Variants in RUNX1 observed in about 807,000 individuals in gnomAD.
The protein encoded by RUNX1 is RUNX family transcription factor 1, also known as runt-related transcription factor 1.
RUNX1 carries 19 observed loss-of-function variants against 42.8 expected under a neutral mutation model. The ratio of observed to expected loss-of-function variants is 0.44; its 90% CI spans 0.31 to 0.65. The LOEUF (loss-of-function observed/expected upper bound fraction) is 0.65, where lower values mean the gene tolerates loss of function less well. Among genes scored for constraint, RUNX1 ranks in the 30% least tolerant of loss-of-function variants. RUNX1 has a pLI of 0.07. For missense variants in RUNX1, 528 were observed against 672.0 expected (o/e 0.79, Z 2.37); for synonymous variants, 271 against 289.4 (o/e 0.94, Z 0.64).
chr21:34,926,517 TCAGCA>T (rs2058395937), intron 2 of RUNX1, among the ~76,000 whole-genome samples: 2 of 43,456 alleles, frequency 4.6e-5, no homozygotes, highest in African/African-American at 5.8e-5. Context: ...ACTAAATCTG[TCAGCA>T]TTTTGATCTA....
intron 5 of RUNX1, among the ~76,000 whole-genome samples, chr21:34,879,386 G>A (rs2057862756): frequency 6.6e-6 from 1 of 152,138 alleles, no homozygotes; most frequent in Admixed American, 6.5e-5. Context: ...ATTCTATTAT[G>A]AAAATGCTCC....
At chr21:34,972,095 T>A (rs1569131995) in intron 2 of RUNX1, among the ~76,000 whole-genome samples, 1 of 152,220 alleles carries the variant, frequency 6.6e-6, no homozygotes, top group Non-Finnish European at 1.5e-5. Flanking sequence ...CTTTCTGTAG[T>A]TCATTCCATT....
At chr21:34,832,378 C>A (rs2057075967) in intron 7 of RUNX1, among the ~76,000 whole-genome samples, 1 of 152,144 alleles carries the variant, frequency 6.6e-6, no homozygotes, top group Non-Finnish European at 1.5e-5. Context: ...AGAAACAGAG[C>A]AACTCAATGG....
chr21:35,023,366 C>T (rs1364186250), intron 2 of RUNX1, among the ~76,000 whole-genome samples: 1 of 152,230 alleles, frequency 6.6e-6, no homozygotes, highest in Non-Finnish European at 1.5e-5. Flanking sequence ...AGAAACTACT[C>T]GAAGCCCATA....
At chr21:34,899,028 C>T (rs1418873342) in intron 2 of RUNX1, among the ~76,000 whole-genome samples, 3 of 152,194 alleles carry the variant, frequency 2.0e-5, no homozygotes, top group Admixed American at 2.0e-4. Flanking sequence ...ATTCTCCTGC[C>T]TCAGCCTCCT....
intron 2 of RUNX1, among the ~76,000 whole-genome samples, chr21:34,921,686 G>T (rs1454195889): frequency 6.6e-6 from 1 of 151,966 alleles, no homozygotes; most frequent in Non-Finnish European, 1.5e-5. Flanking sequence ...AGGCTGGAGG[G>T]CAGTGGCACC....
rs1175114097 is a variant in RUNX1, at chr21:34,909,959, T to TAA, written c.59-16997_59-16996insTT. On this transcript the variant is annotated intron_variant, in intron 2 of 8. Coordinates refer to ENST00000675419, the MANE Select transcript of RUNX1 (RefSeq NM_001754.5). Reference sequence around the variant, plus strand: ...TTCCTCCTCCTCCTTCTTCTTCAACTATTATCTACCAAGCTGTGCCTGGGC... The same window carrying TAA: ...TTCCTCCTCCTCCTTCTTCTTCAACTAAATTATCTACCAAGCTGTGCCTGGGC... 2.2e-4 allele frequency among the ~76,000 whole-genome samples: 33 copies of TAA among 152,144 alleles called. 2 individuals are homozygous for TAA. The highest frequency in any genetic ancestry group is 2.9e-5 in the Non-Finnish European group (2 of 68,032).
At chr21:34,977,994 C>G (rs1469031677) in intron 2 of RUNX1, among the ~76,000 whole-genome samples, 1 of 151,570 alleles carries the variant, frequency 6.6e-6, no homozygotes, top group Non-Finnish European at 1.5e-5. Flanking sequence ...GTGATCTTGG[C>G]TCACTGCAAG....
chr21:34,932,155 ATTAAT>A (rs1174896748), intron 2 of RUNX1, among the ~76,000 whole-genome samples: 1 of 152,166 alleles, frequency 6.6e-6, no homozygotes, highest in African/African-American at 2.4e-5. Flanking sequence ...AATGAAGGTA[ATTAAT>A]TTATAGAGAG....
At position 34,921,568 on chromosome 21, in the gene RUNX1, C is replaced by T. The variant is rs571164362; in HGVS notation, c.59-28605G>A. 5.3e-5 allele frequency among the ~76,000 whole-genome samples: 8 copies of T among 152,224 alleles called. No individual in the cohort carries two copies. In the South Asian group the frequency reaches 1.2e-3, roughly 24 times the overall value. On this transcript the variant is annotated intron_variant, in intron 2 of 8. Transcript: ENST00000675419. ...GGTTGCTTCCACCTTTTGGCTATTG[C>T]GACCCATGCTGCTATGAACAAGAGT...
chr21:34,889,793 C>A, intron 3 of RUNX1: 2 of 1,137,206 alleles, frequency 1.8e-6, no homozygotes, highest in Non-Finnish European at 1.1e-6. Flanking sequence ...CCAACTCCGA[C>A]CCCGCCCGGC....
At chr21:34,801,357 A>G (rs1390479116) in intron 7 of RUNX1, among the ~76,000 whole-genome samples, 1 of 152,136 alleles carries the variant, frequency 6.6e-6, no homozygotes, top group Non-Finnish European at 1.5e-5. Context: ...GTACTATGCC[A>G]TGATTCATGC....
chr21:34,964,487 C>CA (rs58388110), intron 2 of RUNX1, among the ~76,000 whole-genome samples: 3,565 of 119,216 alleles, frequency 0.03, 80 homozygotes, highest in African/African-American at 0.06. Context: ...GACTCCATCT[C>CA]AAAAAAAAAA....
chr21:34,949,490 G>C (rs1010295435), intron 2 of RUNX1, among the ~76,000 whole-genome samples: 1 of 152,228 alleles, frequency 6.6e-6, no homozygotes, highest in African/African-American at 2.4e-5. Flanking sequence ...AATGTGGCTG[G>C]GTTGAATGCT....
intron 2 of RUNX1, among the ~76,000 whole-genome samples, chr21:34,928,973 T>C: frequency 8.1e-6 from 1 of 122,856 alleles, no homozygotes; most frequent in Admixed American, 9.1e-5. Context: ...GGGGGGGGGG[T>C]AGATTTCACT....
chr21:34,806,681 C>T (rs2056684799), intron 7 of RUNX1, among the ~76,000 whole-genome samples: 1 of 152,142 alleles, frequency 6.6e-6, no homozygotes, highest in African/African-American at 2.4e-5. Context: ...ACACATTCTT[C>T]AGCTCACATG....
chr21:34,970,622 A>G (rs1296472216), intron 2 of RUNX1, among the ~76,000 whole-genome samples: 1 of 152,140 alleles, frequency 6.6e-6, no homozygotes, highest in Non-Finnish European at 1.5e-5. Context: ...CGTTGGTCAG[A>G]GGTCGTGTTC....
chr21:34,802,458 A>C (rs1480970981), intron 7 of RUNX1, among the ~76,000 whole-genome samples: 1 of 152,232 alleles, frequency 6.6e-6, no homozygotes, highest in Non-Finnish European at 1.5e-5. Context: ...ATTAATCATC[A>C]TACTGGGTGT....
intron 2 of RUNX1, among the ~76,000 whole-genome samples, chr21:35,003,529 TTA>T (rs60718147): frequency 0.17 from 23,825 of 142,906 alleles, 2,202 homozygotes; most frequent in African/African-American, 0.26. Context: ...CTTTTTTTTT[TTA>T]AAAAAAAAGA....
Sources: allele counts gnomAD v4.1 joint callset (sites outside exome capture counted in the v4.1 genomes callset), GRCh38; gene constraint gnomAD v4.1.1; transcripts MANE v1.5; gene names NCBI Gene and HGNC (gene_info 2026-07-23, HGNC 2026-07-21).